Variants in ZIM2 observed in about 807,000 individuals in gnomAD.
The protein encoded by ZIM2 is zinc finger imprinted 2, also known as zinc finger protein 656.
Under a neutral mutation model 38.6 loss-of-function variants are expected in ZIM2, and 14 were observed. The observed-to-expected ratio is 0.36, with a 90% CI of 0.24 to 0.57. The LOEUF is 0.57. Ranked by LOEUF, ZIM2 falls within the 20% of genes least tolerant of loss-of-function variation. ZIM2 has a pLI of 0.81. For missense variants in ZIM2, 680 were observed against 695.1 expected, an observed-to-expected ratio of 0.98 and a Z score of 0.24; for synonymous variants, 247 against 245.8, an observed-to-expected ratio of 1.00 and a Z score of -0.04.
At chr19:56,784,573 TCC>T (rs1412641266) in intron 10 of ZIM2, among the ~76,000 whole-genome samples, 3 of 152,198 alleles carry the variant, frequency 2.0e-5, no homozygotes, top group Non-Finnish European at 4.4e-5. Flanking sequence ...CCAAATGTTT[TCC>T]TACTGTTAAC....
chr19:56,804,763 A>T (rs2047679147), intron 9 of ZIM2, among the ~76,000 whole-genome samples: 1 of 152,234 alleles, frequency 6.6e-6, no homozygotes, highest in Non-Finnish European at 1.5e-5. Context: ...CATTTGTAAA[A>T]TAGGCATGTT....
chr19:56,786,881 G>A (rs1314018778), intron 10 of ZIM2, among the ~76,000 whole-genome samples: 2 of 152,162 alleles, frequency 1.3e-5, no homozygotes, highest in African/African-American at 4.8e-5. Flanking sequence ...CTGTTGCCCA[G>A]GCTGGAGTGC....
chr19:56,804,774 C>A (rs1245660741), intron 9 of ZIM2, among the ~76,000 whole-genome samples: 1 of 152,188 alleles, frequency 6.6e-6, no homozygotes, highest in Non-Finnish European at 1.5e-5. Flanking sequence ...TAGGCATGTT[C>A]CAAGAATGGT....
intron 10 of ZIM2, among the ~76,000 whole-genome samples, chr19:56,784,382 G>A (rs1217786112): frequency 6.6e-6 from 1 of 152,126 alleles, no homozygotes; most frequent in African/African-American, 2.4e-5. Flanking sequence ...AAAAAAGATT[G>A]TTAAAAGAGA....
Position 56,814,682 on chromosome 19 carries a change from C to G in ZIM2, c.490+3064G>C, listed in dbSNP as rs1600898037. 5.6e-6 allele frequency: 9 copies of G among 1,614,042 alleles called. No individual in the cohort carries two copies. Among genetic ancestry groups the G allele is most frequent in the Non-Finnish European group, 7.6e-6 (9 of 1,179,976 alleles). On this transcript the variant is annotated intron_variant, in intron 9 of 12. Coordinates refer to ENST00000629319, the MANE Select transcript of ZIM2 (RefSeq NM_001387356.1). The surrounding 1 kb of genome is among the most constrained non-coding windows in gnomAD (Gnocchi z 5.8). ...GCTTCCTCAGCCATCTGGCTCTGCTCCAGTAAATCATCTTCCCTATGAAGT... is the reference window on the plus strand; with the variant it reads ...GCTTCCTCAGCCATCTGGCTCTGCTGCAGTAAATCATCTTCCCTATGAAGT...
chr19:56,780,433 G>A (rs974698667), intron 11 of ZIM2, among the ~76,000 whole-genome samples: 9 of 151,720 alleles, frequency 5.9e-5, no homozygotes, highest in Admixed American at 2.6e-4. Flanking sequence ...TAGTAGAGAC[G>A]GGGTTTCACC....
In ZIM2 at chr19:56,781,956, G is replaced by A. The variant is rs1460772761; in HGVS notation, c.736C>T (p.Leu246=). The change falls in exon 11 of 13, where the codon CTG becomes TTG. Residue 246 remains leucine, a synonymous_variant. Coordinates refer to ENST00000629319, the MANE Select transcript of ZIM2 (RefSeq NM_001387356.1). ...MLENYRNLVS[L]GHQFSKPDII... ...CCTGTGGAGAAGGCATACTTACCCA[G>A]GGAGACCAGGTTCCGGTAATTCTCC... The A allele has an allele frequency of 5.0e-6, 8 of 1,613,330 alleles. No individual in the cohort carries two copies. The highest frequency in any genetic ancestry group is 6.8e-6 in the Non-Finnish European group (8 of 1,179,608).
intron 12 of ZIM2, among the ~76,000 whole-genome samples, chr19:56,776,066 A>G (rs2045983607): frequency 6.8e-6 from 1 of 147,584 alleles, no homozygotes; most frequent in Non-Finnish European, 1.5e-5. Context: ...GCACCACTGC[A>G]CTGCAGCCTG....
At chr19:56,784,420 T>C (rs769329889) in intron 10 of ZIM2, among the ~76,000 whole-genome samples, 14 of 152,074 alleles carry the variant, frequency 9.2e-5, no homozygotes, top group Non-Finnish European at 1.8e-4. Flanking sequence ...TATAAGAAAA[T>C]TGAATTTAGT....
chr19:56,809,463 G>A (rs1436897396), intron 9 of ZIM2, among the ~76,000 whole-genome samples: 6 of 152,180 alleles, frequency 3.9e-5, no homozygotes, highest in Non-Finnish European at 1.5e-5. Context: ...TATCCACTGT[G>A]GTCGCCAACA....
chr19:56,781,405 A>G (rs2046325273), intron 11 of ZIM2, among the ~76,000 whole-genome samples: 1 of 152,238 alleles, frequency 6.6e-6, no homozygotes, highest in African/African-American at 2.4e-5. Context: ...AGAGATTGGC[A>G]ATCTCTGTTT....
intron 10 of ZIM2, among the ~76,000 whole-genome samples, chr19:56,782,842 C>T (rs923894080): frequency 1.3e-5 from 2 of 152,026 alleles, no homozygotes; most frequent in Non-Finnish European, 2.9e-5. Context: ...TCCCCTTAGG[C>T]ATTTATCCTT....
intron 12 of ZIM2, among the ~76,000 whole-genome samples, chr19:56,775,980 A>T (rs931906292): frequency 2.0e-5 from 3 of 151,934 alleles, no homozygotes; most frequent in African/African-American, 7.3e-5. Context: ...GCGTGCCTGT[A>T]GTCCCAACTA....
intron 11 of ZIM2, among the ~76,000 whole-genome samples, 194 bp from the exon 12 acceptor site, chr19:56,779,666 G>A (rs1382249281): frequency 2.0e-5 from 3 of 152,190 alleles, no homozygotes; most frequent in African/African-American, 7.2e-5. Context: ...AACTGTGGGA[G>A]CAGAGGGAGG....
chr19:56,774,864 C>T lies in ZIM2; in HGVS notation c.1501G>A (p.Asp501Asn). The change falls in exon 13 of 13, where the codon GAC (aspartate) becomes AAC (asparagine). Residue 501 changes from aspartate (D) to asparagine (N), a missense_variant. Coordinates refer to ENST00000629319, the MANE Select transcript of ZIM2 (RefSeq NM_001387356.1). ...TTCCGACTGAAGACTCTGCCACAGT[C>T]ACAACACTGGCAGGCTCTCTCTCCA... ...YVGERACQCCDCGRVFSRNSY... is the reference protein window; with the variant it reads ...YVGERACQCCNCGRVFSRNSY... The T allele has an allele frequency of 1.2e-6, 2 of 1,614,156 alleles. No homozygotes were observed. Among genetic ancestry groups the T allele is most frequent in the Non-Finnish European group, 1.7e-6 (2 of 1,180,026 alleles).
intron 3 of ZIM2, chr19:56,824,648 G>C (rs754470044): frequency 6.3e-7 from 1 of 1,595,304 alleles, no homozygotes; most frequent in Non-Finnish European, 8.6e-7. Flanking sequence ...GTGCTTTGGA[G>C]GCAGCATTTC....
At chr19:56,779,527 C>G in intron 11 of ZIM2, 55 bp from the exon 12 acceptor site, 1 of 1,531,618 alleles carries the variant, frequency 6.5e-7, no homozygotes, top group Non-Finnish European at 9.0e-7. Flanking sequence ...AACCTTAGGT[C>G]CCAAAGACTC....
At chr19:56,812,832 A>AC (rs1288232152) in intron 9 of ZIM2, 16 of 983,114 alleles carry the variant, frequency 1.6e-5, no homozygotes, top group Non-Finnish European at 1.8e-5. Context: ...AAAAAAAAAA[A>AC]CCCAGAACAC....
At chr19:56,794,977 T>G (rs2047121751) in intron 9 of ZIM2, among the ~76,000 whole-genome samples, 2 of 152,246 alleles carry the variant, frequency 1.3e-5, no homozygotes, top group Non-Finnish European at 2.9e-5. Flanking sequence ...TTTCTCTTTG[T>G]TTCAGATTTA....
Sources: allele counts gnomAD v4.1 joint callset (sites outside exome capture counted in the v4.1 genomes callset), GRCh38; gene constraint gnomAD v4.1.1; non-coding constraint Gnocchi (gnomAD v3.1); transcripts MANE v1.5; gene names NCBI Gene and HGNC (gene_info 2026-07-23, HGNC 2026-07-21).